The following ELP4 variants were observed in gnomAD, a reference collection of about 807,000 sequenced individuals.
The protein encoded by ELP4 is elongator complex protein 4.
Under a neutral mutation model 48.9 loss-of-function variants are expected in ELP4, and 51 were observed. The ratio of observed to expected loss-of-function variants is 1.04; its 90% CI spans 0.83 to 1.32. The LOEUF (loss-of-function observed/expected upper bound fraction) is 1.32. ELP4 is among the 40% of genes most tolerant of loss of function. ELP4 has a pLI of 0.00. For missense variants in ELP4, 519 were observed against 514.6 expected (o/e 1.01, Z -0.08); for synonymous variants, 210 against 189.2 (o/e 1.11, Z -0.90).
chr11:31,559,518 G>T (rs1271089016), intron 3 of ELP4, among the ~76,000 whole-genome samples: 1 of 152,170 alleles, frequency 6.6e-6, no homozygotes, highest in Admixed American at 6.5e-5. Flanking sequence ...TTAAAACAAA[G>T]TATAACATAT....
chr11:31,759,358 A>T (rs1947898320), intron 9 of ELP4, among the ~76,000 whole-genome samples: 1 of 152,242 alleles, frequency 6.6e-6, no homozygotes, highest in Non-Finnish European at 1.5e-5. Flanking sequence ...ACTGCTTAAA[A>T]ATAATTGATT....
At chr11:31,664,249 A>C (rs1945623230) in intron 9 of ELP4, 1 of 152,086 alleles carries the variant, frequency 6.6e-6, no homozygotes. Flanking sequence ...TTTGTAAGAG[A>C]TTTCATGGTC....
intron 4 of ELP4, 62 bp downstream of exon 4, chr11:31,594,963 T>C: frequency 7.1e-7 from 1 of 1,409,192 alleles, no homozygotes; most frequent in Non-Finnish European, 9.6e-7. Context: ...TCTTACAGAA[T>C]CTCTTGTGGT....
intron 3 of ELP4, among the ~76,000 whole-genome samples, chr11:31,570,466 C>CTT (rs35501118): frequency 1.0e-4 from 13 of 127,890 alleles, no homozygotes; most frequent in South Asian, 2.5e-4. Context: ...TGTAATATAC[C>CTT]TTTTTTTTTT....
intron 9 of ELP4, among the ~76,000 whole-genome samples, chr11:31,771,654 T>C (rs1052921649): frequency 2.0e-5 from 3 of 152,196 alleles, no homozygotes; most frequent in Non-Finnish European, 2.9e-5. Flanking sequence ...TGGGACTTCT[T>C]TCTCTGGGTC....
At chr11:31,758,667 G>A (rs1008944467) in intron 9 of ELP4, among the ~76,000 whole-genome samples, 2 of 132,292 alleles carry the variant, frequency 1.5e-5, no homozygotes, top group Non-Finnish European at 3.3e-5. Context: ...AAAGAGGGTG[G>A]AACTTTTTTT....
chr11:31,736,195 T>G (rs1317698903), intron 9 of ELP4, among the ~76,000 whole-genome samples: 1 of 152,168 alleles, frequency 6.6e-6, no homozygotes, highest in Admixed American at 6.5e-5. Context: ...ATCTGATCTT[T>G]GACAAACCTG....
chr11:31,597,803 G>C (rs769696425), intron 4 of ELP4, among the ~76,000 whole-genome samples: 18 of 152,120 alleles, frequency 1.2e-4, no homozygotes, highest in Non-Finnish European at 2.2e-4. Flanking sequence ...CTGACCTCAG[G>C]TGATCTGCCT....
chr11:31,677,953 A>G (rs1379074002), intron 9 of ELP4, among the ~76,000 whole-genome samples: 1 of 152,156 alleles, frequency 6.6e-6, no homozygotes, highest in Non-Finnish European at 1.5e-5. Context: ...CCATCACAGT[A>G]TCATATGGAA....
In ELP4 at chr11:31,620,343, C is replaced by T. The variant is rs568399258; in HGVS notation, c.654-6767C>T. Among the ~76,000 whole-genome samples the T allele has an allele frequency of 3.9e-5, 6 of 152,022 alleles. No homozygotes were observed. In the East Asian group the frequency reaches 1.2e-3, roughly 29 times the overall value. On this transcript the variant is annotated intron_variant, in intron 5 of 9. Transcript: ENST00000640961. Reference sequence around the variant, plus strand: ...TGAGATGGTTAATTAATTGAAAGAGCTTATCAAAGCAGGTGAGTGAAAGGT... The same window carrying T: ...TGAGATGGTTAATTAATTGAAAGAGTTTATCAAAGCAGGTGAGTGAAAGGT...
intron 3 of ELP4, among the ~76,000 whole-genome samples, chr11:31,593,209 C>T (rs1957614009): frequency 6.7e-6 from 1 of 149,352 alleles, no homozygotes; most frequent in Non-Finnish European, 1.5e-5. Context: ...TTACAACAAC[C>T]CATTGAAGTG....
intron 1 of ELP4, among the ~76,000 whole-genome samples, chr11:31,517,625 A>AT (rs982634423): frequency 2.3e-4 from 34 of 147,220 alleles, no homozygotes; most frequent in Non-Finnish European, 2.9e-4. Flanking sequence ...ACTTTGAGTA[A>AT]TTTTTTTTTT....
chr11:31,598,503 C>CT (rs10702222), intron 4 of ELP4, among the ~76,000 whole-genome samples: 44,148 of 78,120 alleles, frequency 0.57, 13,776 homozygotes, highest in East Asian at 0.82. Context: ...TTTTCTTCTT[C>CT]TTTTTTTTTT....
At chr11:31,727,257 T>G (rs1947094794) in intron 9 of ELP4, among the ~76,000 whole-genome samples, 1 of 152,048 alleles carries the variant, frequency 6.6e-6, no homozygotes. Flanking sequence ...ACATAATAAC[T>G]GCTAACTAAA....
intron 3 of ELP4, among the ~76,000 whole-genome samples, chr11:31,543,137 T>C (rs907529184): frequency 6.6e-6 from 1 of 152,192 alleles, no homozygotes; most frequent in Non-Finnish European, 1.5e-5. Context: ...ATTTTTGCAT[T>C]AGTGAGCTGT....
chr11:31,552,401 T>C (rs74931263), intron 3 of ELP4, among the ~76,000 whole-genome samples: 8,750 of 152,202 alleles, frequency 0.057, 366 homozygotes, highest in Non-Finnish European at 0.089. Context: ...ACTCCTGCAA[T>C]TGTATATCCA....
At chr11:31,544,335 A>C (rs1375741496) in intron 3 of ELP4, among the ~76,000 whole-genome samples, 3 of 152,250 alleles carry the variant, frequency 2.0e-5, no homozygotes, top group South Asian at 2.1e-4. Context: ...AAAACGGCGC[A>C]TCAGGAGTTT....
chr11:31,560,378 T>C (rs566669769), intron 3 of ELP4, among the ~76,000 whole-genome samples: 36 of 152,182 alleles, frequency 2.4e-4, no homozygotes, highest in African/African-American at 8.4e-4. Flanking sequence ...ATCAGGTTTT[T>C]AGAAATTATT....
chr11:31,703,544 T>C (rs1946570406), intron 9 of ELP4, among the ~76,000 whole-genome samples: 1 of 152,178 alleles, frequency 6.6e-6, no homozygotes, highest in African/African-American at 2.4e-5. Context: ...CACCATTTTA[T>C]TGAAATGGAA....
Sources: gnomAD v4.1 joint callset for allele counts (sites outside exome capture counted in the v4.1 genomes callset) on GRCh38, gnomAD v4.1.1 for gene constraint, MANE v1.5 for transcripts, NCBI Gene and HGNC (gene_info 2026-07-23, HGNC 2026-07-21) for gene names.